The following ANO4 variants were observed in gnomAD, a reference collection of about 807,000 sequenced individuals.
ANO4 encodes the protein anoctamin 4.
A neutral mutation model predicts 141.9 loss-of-function variants in ANO4; 69 were observed. That is an observed-to-expected ratio of 0.49 (90% CI 0.40 to 0.59). The LOEUF (loss-of-function observed/expected upper bound fraction) is 0.59, where lower values mean the gene tolerates loss of function less well. Ranked by LOEUF, ANO4 falls within the 20% of genes least tolerant of loss-of-function variation. The pLI is 0.00. For synonymous variants in ANO4, 350 were observed against 394.3 expected (o/e 0.89, Z 1.33); for missense variants, 894 against 1,162.2 (o/e 0.77, Z 3.36).
chr12:101,109,429 C>T (rs933060928), intron 22 of ANO4, among the ~76,000 whole-genome samples: 12 of 152,074 alleles, frequency 7.9e-5, no homozygotes, highest in Admixed American at 3.3e-4. Flanking sequence ...GTTGTGATGG[C>T]GGGCGCCTGT....
intron 17 of ANO4, among the ~76,000 whole-genome samples, chr12:101,088,829 A>C (rs2049617797): frequency 6.6e-6 from 1 of 152,086 alleles, no homozygotes; most frequent in South Asian, 2.1e-4. Flanking sequence ...TCACGACTGC[A>C]GTGAGTCATG....
chr12:100,921,803 T>G (rs2136103986), intron 2 of ANO4, among the ~76,000 whole-genome samples: 1 of 152,276 alleles, frequency 6.6e-6, no homozygotes, highest in African/African-American at 2.4e-5. Context: ...TCAAGAATAT[T>G]AAATCCATCC....
chr12:100,738,985 C>T (rs1019052718), intron 2 of ANO4, among the ~76,000 whole-genome samples: 21 of 148,954 alleles, frequency 1.4e-4, no homozygotes, highest in Admixed American at 2.7e-4. Context: ...TGGTAATCAC[C>T]GGTCCACTCT....
intron 2 of ANO4, among the ~76,000 whole-genome samples, chr12:100,736,920 C>T (rs902001413): frequency 6.6e-6 from 1 of 152,138 alleles, no homozygotes; most frequent in Non-Finnish European, 1.5e-5. Context: ...GCCCTGCTGA[C>T]ACCTTATTTT....
chr12:100,949,581 T>G (rs1313320867), intron 5 of ANO4, among the ~76,000 whole-genome samples: 4 of 152,228 alleles, frequency 2.6e-5, no homozygotes, highest in Non-Finnish European at 5.9e-5. Flanking sequence ...GTGTTAACAC[T>G]TTTATTTTGG....
chr12:100,790,848 A>G (rs948324211), upstream of ANO4, among the ~76,000 whole-genome samples: 1 of 152,198 alleles, frequency 6.6e-6, no homozygotes, highest in Admixed American at 6.5e-5. Context: ...AAACCCGCCT[A>G]CTAAGCACTT....
intron 8 of ANO4, among the ~76,000 whole-genome samples, chr12:101,008,482 T>A (rs1260945452): frequency 6.6e-6 from 1 of 152,224 alleles, no homozygotes; most frequent in Non-Finnish European, 1.5e-5. Flanking sequence ...CTACAGTAGA[T>A]ACCTATTCTT....
chr12:100,886,797 A>C (rs151302087), intron 1 of ANO4, among the ~76,000 whole-genome samples: 45 of 152,266 alleles, frequency 3.0e-4, no homozygotes, highest in African/African-American at 1.0e-3. Flanking sequence ...AGCCCAAAAT[A>C]AATTATGCTC....
At chr12:101,089,267 A>G (rs939414318) in intron 17 of ANO4, among the ~76,000 whole-genome samples, 6 of 152,172 alleles carry the variant, frequency 3.9e-5, no homozygotes, top group African/African-American at 1.4e-4. Flanking sequence ...GTAATCAATG[A>G]GCTAATTAAA....
At chr12:100,886,934 C>G (rs558385216) in intron 1 of ANO4, among the ~76,000 whole-genome samples, 4 of 152,198 alleles carry the variant, frequency 2.6e-5, no homozygotes, top group Non-Finnish European at 5.9e-5. Flanking sequence ...CTGGCAAGAA[C>G]GATCTCCTCT....
In ANO4 at chr12:100,901,808, T is replaced by A; in HGVS notation, c.23T>A (p.Ile8Asn). MEASSSG[I>N]TNGKTKVFHP... ...AAAATGGAGGCAAGCTCTTCTGGAATCACTAATGGAAAAACCAAAGTCTTC... is the reference window on the plus strand; with the variant it reads ...AAAATGGAGGCAAGCTCTTCTGGAAACACTAATGGAAAAACCAAAGTCTTC... Residue 8 changes from isoleucine to asparagine, a missense_variant, in exon 2 of 28, where the codon ATC becomes AAC. Transcript: ENST00000392977. The A allele has an allele frequency of 6.2e-7, 1 of 1,612,086 alleles. No individual in the cohort carries two copies. The highest frequency in any genetic ancestry group is 8.5e-7 in the Non-Finnish European group (1 of 1,179,380).
chr12:100,722,376 T>C (rs1219366670), intron 1 of ANO4, among the ~76,000 whole-genome samples: 1 of 152,178 alleles, frequency 6.6e-6, no homozygotes, highest in Non-Finnish European at 1.5e-5. Flanking sequence ...CCAGTGGCTC[T>C]TCTCTGTGTA....
chr12:100,956,501 C>CATT (rs2136221714), intron 5 of ANO4, among the ~76,000 whole-genome samples: 1 of 152,292 alleles, frequency 6.6e-6, no homozygotes, highest in Admixed American at 6.5e-5. Flanking sequence ...ACCTTGTGCC[C>CATT]ATTAGAGTTT....
chr12:101,072,553 C>G (rs2128634), intron 14 of ANO4, among the ~76,000 whole-genome samples: 67,294 of 152,020 alleles, frequency 0.44, 15,309 homozygotes, highest in African/African-American at 0.55. Flanking sequence ...GACTAAAACA[C>G]CAAAAGCAAT....
chr12:100,818,432 T>A (rs1785513419), intron 1 of ANO4, among the ~76,000 whole-genome samples: 1 of 151,864 alleles, frequency 6.6e-6, no homozygotes, highest in African/African-American at 2.4e-5. Context: ...CCATTACCCT[T>A]CAACTTTATT....
chr12:100,877,695 G>A (rs551966645), intron 1 of ANO4, among the ~76,000 whole-genome samples: 336 of 149,846 alleles, frequency 2.2e-3, no homozygotes, highest in African/African-American at 7.6e-3. Context: ...TGTCAACATC[G>A]TCGAGTGATG....
In ANO4 at chr12:100,749,271, A is replaced by G. The variant is rs180966874; in HGVS notation, c.358+9166A>G. Reference sequence around the variant, plus strand: ...ACTCTGGTCTTCCATGGTGCATTCCATGTGTTAATGGACATTTGTGAGCAA... The same window carrying G: ...ACTCTGGTCTTCCATGGTGCATTCCGTGTGTTAATGGACATTTGTGAGCAA... On this transcript the variant is annotated intron_variant, in intron 3 of 29. Transcript: ENST00000644049. Among the ~76,000 whole-genome samples the G allele has an allele frequency of 7.9e-5, 12 of 152,238 alleles. No homozygotes were observed. The East Asian group carries it at 9.7e-4, about 12-fold the overall frequency.
intron 1 of ANO4, among the ~76,000 whole-genome samples, chr12:100,818,031 C>T (rs1039695766): frequency 6.6e-5 from 10 of 151,434 alleles, no homozygotes; most frequent in African/African-American, 2.4e-4. Flanking sequence ...TCATGATTTC[C>T]CTTATTATTA....
intron 22 of ANO4, among the ~76,000 whole-genome samples, chr12:101,104,015 T>G (rs1263834124): frequency 6.6e-6 from 1 of 151,988 alleles, no homozygotes; most frequent in African/African-American, 2.4e-5. Flanking sequence ...ATTTTCAAAC[T>G]TAGCAGCGTA....
Sources: gnomAD v4.1 joint callset for allele counts (sites outside exome capture counted in the v4.1 genomes callset) on GRCh38, gnomAD v4.1.1 for gene constraint, MANE v1.5 for transcripts, NCBI Gene and HGNC (gene_info 2026-07-23, HGNC 2026-07-21) for gene names.